Variants in SCUBE1 observed in about 807,000 individuals in gnomAD.
SCUBE1 encodes signal peptide, CUB domain and EGF like domain containing 1.
A neutral mutation model predicts 124.4 loss-of-function variants in SCUBE1; 59 were observed. The observed-to-expected ratio is 0.47, with a 90% confidence interval of 0.38 to 0.59. SCUBE1 has a LOEUF of 0.59. Among genes scored for constraint, SCUBE1 ranks in the 20% least tolerant of loss-of-function variants. The probability of loss-of-function intolerance (pLI) is 0.00; values close to 1 mark genes in which losing one functional copy is unlikely to be tolerated. For synonymous variants in SCUBE1, 545 were observed against 550.9 expected (o/e 0.99, Z 0.15); for missense variants, 1,150 against 1,371.2 (o/e 0.84, Z 2.55).
chr22:43,280,227 C>T (rs11090149), intron 4 of SCUBE1, among the ~76,000 whole-genome samples: 49,900 of 151,964 alleles, frequency 0.33, 8,433 homozygotes, highest in South Asian at 0.44. Flanking sequence ...CAGCGTTCTG[C>T]GCTACGAAGA....
chr22:43,236,268 C>T (rs1376468154), intron 7 of SCUBE1, among the ~76,000 whole-genome samples: 1 of 152,222 alleles, frequency 6.6e-6, no homozygotes, highest in South Asian at 2.1e-4. Context: ...AACCCTGGGG[C>T]TGGAGGCCAC....
intron 6 of SCUBE1, among the ~76,000 whole-genome samples, chr22:43,245,012 A>G (rs1569505543): frequency 6.6e-6 from 1 of 152,204 alleles, no homozygotes; most frequent in African/African-American, 2.4e-5. Flanking sequence ...CTGACCTCTG[A>G]CCATCTTCCC....
chr22:43,240,324 T>C (rs1258572883), intron 6 of SCUBE1, among the ~76,000 whole-genome samples: 1 of 152,204 alleles, frequency 6.6e-6, no homozygotes, highest in Non-Finnish European at 1.5e-5. Flanking sequence ...AACCAGTCTT[T>C]TGCCCTCCCA....
Position 43,239,685 on chromosome 22 carries a change from G to A in SCUBE1, c.728-731C>T, listed in dbSNP as rs561851180. Among the ~76,000 whole-genome samples, 6 of 152,368 alleles carry A rather than the reference G, an allele frequency of 3.9e-5. No individual in the cohort carries two copies. In the South Asian group the frequency reaches 1.2e-3, roughly 32 times the overall value. ...GGGGCTGGCAGAGCTGGCACACCAG[G>A]ATGCTGGGGGCTGGTCCAGCCCTTG... On this transcript the variant is annotated intron_variant, in intron 6 of 21. Transcript: ENST00000360835.
intron 10 of SCUBE1, among the ~76,000 whole-genome samples, chr22:43,224,748 C>A (rs1922236251): frequency 6.6e-6 from 1 of 152,120 alleles, no homozygotes; most frequent in African/African-American, 2.4e-5. Flanking sequence ...CCTTTCCAGC[C>A]TGTGTCTGGT....
In SCUBE1 at chr22:43,221,349, G is replaced by C. The variant is rs1488045394; in HGVS notation, c.1433-60C>G. 4 of 978,390 alleles carry C rather than the reference G, an allele frequency of 4.1e-6. No individual in the cohort carries two copies. The African/African-American group carries it at 6.3e-5, about 15-fold the overall frequency. The allele number at this position is 978,390 out of a possible 1,614,324, so 60.6% of individuals were successfully genotyped here. A position where few individuals can be genotyped will look rare whatever the true frequency, so the allele number is the denominator to read the frequency against. ...TCTCCTGCAGGCAAGGAGGTGGTGGGGGACGGGGGCTGCCAGGGGACAAAT... is the reference window on the plus strand; with the variant it reads ...TCTCCTGCAGGCAAGGAGGTGGTGGCGGACGGGGGCTGCCAGGGGACAAAT... On this transcript the variant is annotated intron_variant, in intron 12 of 21. Coordinates refer to ENST00000360835, the MANE Select transcript of SCUBE1 (RefSeq NM_173050.5).
chr22:43,265,736 G>C (rs569919566), intron 4 of SCUBE1, among the ~76,000 whole-genome samples: 1 of 152,214 alleles, frequency 6.6e-6, no homozygotes, highest in Admixed American at 6.5e-5. Context: ...TACAGCTATC[G>C]AGACTGGCTA....
chr22:43,322,386 C>T (rs545946455), intron 2 of SCUBE1, among the ~76,000 whole-genome samples: 13 of 152,316 alleles, frequency 8.5e-5, no homozygotes, highest in African/African-American at 3.1e-4. Flanking sequence ...ACCTCTTCCC[C>T]TGGGTATTCC....
intron 2 of SCUBE1, among the ~76,000 whole-genome samples, chr22:43,320,870 G>A (rs1376127408): frequency 6.6e-6 from 1 of 152,250 alleles, no homozygotes; most frequent in Admixed American, 6.5e-5. Context: ...AAACTCGTGG[G>A]TTTCAGAGCC....
At chr22:43,315,758 A>AG (rs1019265945) in intron 3 of SCUBE1, among the ~76,000 whole-genome samples, 7 of 45,566 alleles carry the variant, frequency 1.5e-4, no homozygotes, top group African/African-American at 1.7e-4. Flanking sequence ...GGGGCGGGGG[A>AG]GGGGGGGAAC....
intron 7 of SCUBE1, among the ~76,000 whole-genome samples, chr22:43,237,320 C>G (rs1922809949): frequency 6.6e-6 from 1 of 152,224 alleles, no homozygotes; most frequent in Admixed American, 6.5e-5. Context: ...GACAGGGTGG[C>G]TCCTGGCCTC....
chr22:43,314,150 C>A (rs17003646), intron 3 of SCUBE1, among the ~76,000 whole-genome samples: 3,519 of 152,256 alleles, frequency 0.023, 146 homozygotes, highest in African/African-American at 0.08. Flanking sequence ...AACCTTCCAA[C>A]AACTCAGTGG....
chr22:43,229,213 T>A, intron 8 of SCUBE1, 25 bp from the exon 9 acceptor site: 1 of 1,516,552 alleles, frequency 6.6e-7, no homozygotes, highest in Non-Finnish European at 9.2e-7. Flanking sequence ...GGAGACAAAG[T>A]TGGGGGAGGA....
chr22:43,273,992 C>T (rs901586950), intron 4 of SCUBE1, among the ~76,000 whole-genome samples: 2 of 152,190 alleles, frequency 1.3e-5, no homozygotes, highest in African/African-American at 4.8e-5. Context: ...CCCCTGCCTG[C>T]TGGCTCCTCA....
intron 6 of SCUBE1, among the ~76,000 whole-genome samples, chr22:43,247,889 G>A (rs986285310): frequency 6.6e-6 from 1 of 152,242 alleles, no homozygotes; most frequent in Non-Finnish European, 1.5e-5. Context: ...ATTACCATGT[G>A]GGCCTGCAGG....
At position 43,203,975 on chromosome 22, in the gene SCUBE1, C is replaced by T; in HGVS notation, c.*22G>A. The stretch of plus-strand genomic sequence containing the variant: ...CACCCTCCGCGGACCAGGCCACCCC[C>T]AGGCAGGGCCGCTCCCCCCGGTTAT... On this transcript the variant is annotated 3_prime_UTR_variant, in exon 22 of 22. Coordinates refer to ENST00000360835, the MANE Select transcript of SCUBE1 (RefSeq NM_173050.5). The T allele has an allele frequency of 6.2e-7, 1 of 1,613,490 alleles. No individual in the cohort carries two copies. Among genetic ancestry groups the T allele is most frequent in the South Asian group, 1.1e-5 (1 of 91,042 alleles).
intron 4 of SCUBE1, among the ~76,000 whole-genome samples, chr22:43,286,374 G>A (rs886801236): frequency 6.6e-6 from 1 of 152,230 alleles, no homozygotes; most frequent in Non-Finnish European, 1.5e-5. Context: ...ACAATGCGAC[G>A]TTTCCTCTCA....
At chr22:43,219,330 T>G (rs565497717) in intron 14 of SCUBE1, among the ~76,000 whole-genome samples, 1 of 152,296 alleles carries the variant, frequency 6.6e-6, no homozygotes, top group African/African-American at 2.4e-5. Context: ...CCTTCCTCCG[T>G]GAGCAGAAGC....
chr22:43,248,641 T>C (rs1489408378), intron 6 of SCUBE1, among the ~76,000 whole-genome samples: 1 of 152,252 alleles, frequency 6.6e-6, no homozygotes, highest in Non-Finnish European at 1.5e-5. Flanking sequence ...GCCCAGTCCC[T>C]GGAGCTCAGT....
Sources: allele counts gnomAD v4.1 joint callset (sites outside exome capture counted in the v4.1 genomes callset), GRCh38; gene constraint gnomAD v4.1.1; transcripts MANE v1.5; gene names NCBI Gene and HGNC (gene_info 2026-07-23, HGNC 2026-07-21).